Variants in GLIS3 observed in about 807,000 individuals in gnomAD.
GLIS3 encodes zinc finger protein GLIS3.
A neutral mutation model predicts 78.6 loss-of-function variants in GLIS3; 53 were observed. That is an observed-to-expected ratio of 0.67 (90% CI 0.54 to 0.85). GLIS3 has a LOEUF of 0.85. GLIS3 is among the 40% of genes least tolerant of loss of function. The pLI is 0.00. For synonymous variants in GLIS3, 684 were observed against 509.9 expected (o/e 1.34, Z -4.60); for missense variants, 1,703 against 1,231.1 (o/e 1.38, Z -5.74).
intron 6 of GLIS3, among the ~76,000 whole-genome samples, chr9:3,922,117 G>A (rs1416267729): frequency 6.6e-6 from 1 of 152,124 alleles, no homozygotes; most frequent in African/African-American, 2.4e-5. Flanking sequence ...TAGCATATGC[G>A]CTATAGAATT....
At chr9:4,426,118 C>T in the GLIS3 span, among the ~76,000 whole-genome samples, 1 of 152,270 alleles carries the variant, frequency 6.6e-6, no homozygotes, top group South Asian at 2.1e-4. Context: ...GAGTCCAGAG[C>T]CCCCAGGTTA....
At chr9:4,205,935 C>T (rs150209879) in intron 2 of GLIS3, among the ~76,000 whole-genome samples, 1 of 152,184 alleles carries the variant, frequency 6.6e-6, no homozygotes, top group African/African-American at 2.4e-5. Flanking sequence ...GTGTGGTCAA[C>T]AGGATTTCTT....
At chr9:4,103,278 C>T (rs1473091267) in intron 4 of GLIS3, among the ~76,000 whole-genome samples, 1 of 152,006 alleles carries the variant, frequency 6.6e-6, no homozygotes, top group East Asian at 1.9e-4. Context: ...TGGTCAAGAA[C>T]AGCACAGGAG....
chr9:4,445,493 G>C, the GLIS3 span, among the ~76,000 whole-genome samples: 6 of 152,206 alleles, frequency 3.9e-5, no homozygotes, highest in Non-Finnish European at 8.8e-5. Context: ...AATTAGCTAG[G>C]CATGGTGGCA....
rs553458542 is a variant in GLIS3, at chr9:4,345,549, G to T, written n.264+1532C>A. Among the ~76,000 whole-genome samples the T allele has an allele frequency of 1.8e-4, 27 of 152,264 alleles. No homozygotes were observed. The South Asian group carries it at 5.6e-3, about 32-fold the overall frequency. On this transcript the variant is annotated intron_variant and non_coding_transcript_variant, in intron 2 of 4. Coordinates refer to the GLIS3 transcript ENST00000471664. Reference sequence around the variant, plus strand: ...GAATACTTATCAAACCCCCAACTGGGATTTTGGCCTGCAGAGGAAGAAACA... The same window carrying T: ...GAATACTTATCAAACCCCCAACTGGTATTTTGGCCTGCAGAGGAAGAAACA...
chr9:4,470,438 G>C, the GLIS3 span, among the ~76,000 whole-genome samples: 3 of 152,202 alleles, frequency 2.0e-5, no homozygotes, highest in Non-Finnish European at 4.4e-5. Flanking sequence ...TAGGATGCAA[G>C]GCTAGTTCAA....
In GLIS3 at chr9:3,937,028, G is replaced by C. The variant is rs140309338; in HGVS notation, c.1872C>G (p.Thr624=). The C allele has an allele frequency of 6.2e-7, 1 of 1,612,514 alleles. No individual in the cohort carries two copies. Among genetic ancestry groups the C allele is most frequent in the South Asian group, 1.1e-5 (1 of 91,002 alleles). The part of the protein sequence containing the change: ...RAKHQRTHLD[T]KPYACQIPGC... The stretch of plus-strand genomic sequence containing the variant: ...ACTGGAAAGCTCCTGCCATTCTTAC[G>C]GTGTCCAGATGCGTCCGCTGGTGTT... Residue 624 remains threonine (T), a splice_region_variant and synonymous_variant, in exon 5 of 11, where the codon ACC becomes ACG. Coordinates refer to ENST00000381971, the MANE Select transcript of GLIS3 (RefSeq NM_001042413.2).
At chr9:4,314,848 G>T (rs1357746599) in intron 2 of GLIS3, among the ~76,000 whole-genome samples, 1 of 152,210 alleles carries the variant, frequency 6.6e-6, no homozygotes, top group Non-Finnish European at 1.5e-5. Flanking sequence ...TCTGCAAAAG[G>T]CATTAAGCTC....
intron 2 of GLIS3, among the ~76,000 whole-genome samples, chr9:4,218,534 T>G (rs1369095655): frequency 1.3e-5 from 2 of 152,202 alleles, no homozygotes; most frequent in Non-Finnish European, 2.9e-5. Context: ...TGCCTTGGCC[T>G]CCCAAAGTGC....
intron 2 of GLIS3, among the ~76,000 whole-genome samples, chr9:4,338,316 A>C (rs571507243): frequency 6.6e-6 from 1 of 152,090 alleles, no homozygotes; most frequent in South Asian, 2.1e-4. Context: ...TCTGGTAACA[A>C]AATTATACGT....
At chr9:3,871,125 T>G (rs1820942607) in intron 8 of GLIS3, among the ~76,000 whole-genome samples, 1 of 152,158 alleles carries the variant, frequency 6.6e-6, no homozygotes, top group South Asian at 2.1e-4. Flanking sequence ...TCCAAAATGA[T>G]CTCCTTTGAC....
the GLIS3 span, chr9:4,386,399 AATT>A: frequency 6.6e-6 from 1 of 151,916 alleles, no homozygotes; most frequent in Non-Finnish European, 1.5e-5. Context: ...TTTTAAAAAA[AATT>A]ATGATTTTTT....
intron 4 of GLIS3, among the ~76,000 whole-genome samples, chr9:4,113,548 A>C (rs1411289339): frequency 6.6e-6 from 1 of 152,206 alleles, no homozygotes; most frequent in Non-Finnish European, 1.5e-5. Flanking sequence ...AGTGGGGATT[A>C]AGAATTATGC....
At chr9:4,321,604 C>A (rs1332614704) in intron 2 of GLIS3, among the ~76,000 whole-genome samples, 2 of 114,052 alleles carry the variant, frequency 1.8e-5, no homozygotes, top group Non-Finnish European at 3.3e-5. Context: ...ACCCCAGTAT[C>A]GAGAGCATTA....
the GLIS3 span, among the ~76,000 whole-genome samples, chr9:4,457,962 G>A: frequency 6.6e-6 from 1 of 151,748 alleles, no homozygotes. Flanking sequence ...TTGTGTACTT[G>A]TTAGGACCAC....
chr9:3,877,766 A>G (rs1260933425), intron 8 of GLIS3, among the ~76,000 whole-genome samples: 2 of 152,050 alleles, frequency 1.3e-5, no homozygotes, highest in Non-Finnish European at 2.9e-5. Context: ...GCCTTGCTTC[A>G]AGTAACCATA....
intron 9 of GLIS3, among the ~76,000 whole-genome samples, chr9:3,835,333 C>G (rs755353748): frequency 6.6e-6 from 1 of 152,162 alleles, no homozygotes; most frequent in African/African-American, 2.4e-5. Flanking sequence ...AGGAACCCCT[C>G]AAAAACATCA....
At chr9:3,994,532 C>A (rs770483959) in intron 4 of GLIS3, among the ~76,000 whole-genome samples, 2 of 152,178 alleles carry the variant, frequency 1.3e-5, no homozygotes, top group Non-Finnish European at 2.9e-5. Context: ...ACAACTATTT[C>A]CATAACTAAT....
At chr9:4,299,220 G>C (rs1816892683) in intron 1 of GLIS3, among the ~76,000 whole-genome samples, 1 of 152,222 alleles carries the variant, frequency 6.6e-6, no homozygotes, top group South Asian at 2.1e-4. Context: ...GTCTCAGTCA[G>C]CGCAGGTCTC....
Sources: gnomAD v4.1 joint callset for allele counts (sites outside exome capture counted in the v4.1 genomes callset) on GRCh38, gnomAD v4.1.1 for gene constraint, MANE v1.5 for transcripts, NCBI Gene and HGNC (gene_info 2026-07-23, HGNC 2026-07-21) for gene names.